The following SYNPR variants were observed in gnomAD, a reference collection of about 807,000 sequenced individuals.
The protein encoded by SYNPR is synaptoporin.
SYNPR carries 23 observed loss-of-function variants against 32.9 expected under a neutral mutation model. The ratio of observed to expected loss-of-function variants is 0.70; its 90% CI spans 0.50 to 0.99. SYNPR has a LOEUF of 0.99. Ranked by LOEUF, SYNPR falls within the 50% of genes least tolerant of loss-of-function variation. The pLI is 0.00. For missense variants in SYNPR, 318 were observed against 349.3 expected (o/e 0.91, Z 0.71); for synonymous variants, 146 against 135.9 (o/e 1.07, Z -0.52).
chr3:63,593,374 T>C (rs1505590), intron 4 of SYNPR, among the ~76,000 whole-genome samples: 3,316 of 152,224 alleles, frequency 0.022, 134 homozygotes, highest in African/African-American at 0.075. Context: ...AGAAAGCTAT[T>C]GAAGACTTTG....
chr3:63,588,935 CA>C (rs1184390427), intron 4 of SYNPR, among the ~76,000 whole-genome samples: 1 of 152,066 alleles, frequency 6.6e-6, no homozygotes, highest in African/African-American at 2.4e-5. Flanking sequence ...GTGAGACACC[CA>C]AATTCCCAAG....
intron 2 of SYNPR, among the ~76,000 whole-genome samples, chr3:63,296,876 A>T (rs1362718780): frequency 1.3e-5 from 2 of 152,210 alleles, no homozygotes; most frequent in Non-Finnish European, 2.9e-5. Context: ...ACATTGTGCA[A>T]TCATAGAAAT....
At chr3:63,459,529 G>A (rs9855522) in intron 2 of SYNPR, among the ~76,000 whole-genome samples, 56,224 of 151,986 alleles carry the variant, frequency 0.37, 10,917 homozygotes, top group African/African-American at 0.47. Context: ...AGCAAAGTTT[G>A]GCCTCCTTGA....
chr3:63,517,730 A>T (rs1045408754), intron 3 of SYNPR, among the ~76,000 whole-genome samples: 3 of 152,134 alleles, frequency 2.0e-5, no homozygotes, highest in Non-Finnish European at 4.4e-5. Context: ...ACCCAAAAAC[A>T]TAGAGGTTAT....
chr3:63,344,619 G>C (rs2087413255), intron 2 of SYNPR, among the ~76,000 whole-genome samples: 1 of 145,336 alleles, frequency 6.9e-6, no homozygotes, highest in African/African-American at 2.6e-5. Flanking sequence ...ACAAGAGGTA[G>C]TGCAATAACC....
At chr3:63,201,897 C>CT in the SYNPR span, among the ~76,000 whole-genome samples, 2,338 of 152,140 alleles carry the variant, frequency 0.015, 53 homozygotes, top group African/African-American at 0.053. Flanking sequence ...CCCTTCCCCC[C>CT]TTTTTTTCTA....
At chr3:63,311,176 A>G in intron 2 of SYNPR, among the ~76,000 whole-genome samples, 1 of 151,836 alleles carries the variant, frequency 6.6e-6, no homozygotes, top group East Asian at 2.0e-4. Flanking sequence ...TTTCCCTTTA[A>G]TATCTCAATA....
chr3:63,535,731 CA>C (rs3083192), intron 3 of SYNPR, among the ~76,000 whole-genome samples: 4,001 of 137,604 alleles, frequency 0.029, 146 homozygotes, highest in African/African-American at 0.086. Context: ...TATCCACATG[CA>C]AAAAAAAAAA....
At chr3:63,559,626 A>G (rs1194598919) in intron 4 of SYNPR, among the ~76,000 whole-genome samples, 2 of 152,044 alleles carry the variant, frequency 1.3e-5, no homozygotes, top group African/African-American at 4.8e-5. Flanking sequence ...GGACTAGAAA[A>G]TGTTCAGGTG....
chr3:63,438,421 C>T (rs139066371), intron 2 of SYNPR, among the ~76,000 whole-genome samples: 5 of 152,220 alleles, frequency 3.3e-5, no homozygotes, highest in East Asian at 1.9e-4. Context: ...CTCGAACTCC[C>T]GGCCTTGCCT....
At chr3:63,299,666 G>A (rs1327861750) in intron 2 of SYNPR, among the ~76,000 whole-genome samples, 2 of 152,230 alleles carry the variant, frequency 1.3e-5, no homozygotes, top group South Asian at 2.1e-4. Flanking sequence ...GATTCTTCAA[G>A]AAGGAACAAT....
chr3:63,440,189 G>A (rs1237105197), intron 2 of SYNPR, among the ~76,000 whole-genome samples: 3 of 152,152 alleles, frequency 2.0e-5, no homozygotes, highest in African/African-American at 7.2e-5. Context: ...GAGTGGCAAA[G>A]GAAGAGAGGG....
intron 4 of SYNPR, among the ~76,000 whole-genome samples, chr3:63,571,057 A>G (rs1702877087): frequency 6.6e-6 from 1 of 152,188 alleles, no homozygotes; most frequent in Non-Finnish European, 1.5e-5. Context: ...ACAGTTTAAC[A>G]TCAGGGTTTT....
intron 2 of SYNPR, among the ~76,000 whole-genome samples, chr3:63,375,576 T>G (rs1397603485): frequency 6.6e-6 from 1 of 151,790 alleles, no homozygotes; most frequent in Non-Finnish European, 1.5e-5. Flanking sequence ...TGTCATAGAG[T>G]AGGGGCTGGG....
intron 2 of SYNPR, among the ~76,000 whole-genome samples, chr3:63,394,421 C>T (rs1241516325): frequency 2.0e-5 from 3 of 152,132 alleles, no homozygotes; most frequent in African/African-American, 7.2e-5. Flanking sequence ...TCAGACAGCT[C>T]CGCTCACAAT....
chr3:63,217,430 G>A, the SYNPR span, among the ~76,000 whole-genome samples: 4 of 56,714 alleles, frequency 7.1e-5, no homozygotes, highest in East Asian at 2.4e-4. Flanking sequence ...TTTTTAAGCC[G>A]GTCTGAAAAG....
At chr3:63,282,151 T>A (rs917950313) in intron 2 of SYNPR, among the ~76,000 whole-genome samples, 2 of 152,234 alleles carry the variant, frequency 1.3e-5, no homozygotes, top group Non-Finnish European at 2.9e-5. Flanking sequence ...AGTGTTTGAT[T>A]TTTTTCATTA....
At chr3:63,474,022 T>C (rs921198026) in intron 2 of SYNPR, among the ~76,000 whole-genome samples, 1 of 152,092 alleles carries the variant, frequency 6.6e-6, no homozygotes, top group Non-Finnish European at 1.5e-5. Context: ...GGAGCAATGA[T>C]GGGAAGCACA....
At chr3:63,607,400 A>G (rs545234787) in intron 4 of SYNPR, among the ~76,000 whole-genome samples, 38 of 152,292 alleles carry the variant, frequency 2.5e-4, no homozygotes, top group African/African-American at 8.4e-4. Flanking sequence ...TCAAATTCAG[A>G]CCCAAACACT....
Sources: allele counts gnomAD v4.1 joint callset (sites outside exome capture counted in the v4.1 genomes callset), GRCh38; gene constraint gnomAD v4.1.1; transcripts MANE v1.5; gene names NCBI Gene and HGNC (gene_info 2026-07-23, HGNC 2026-07-21).